Variants in PDE4D observed in about 807,000 individuals in gnomAD.
The protein encoded by PDE4D is phosphodiesterase 4D, also known as 3',5'-cyclic-AMP phosphodiesterase 4D.
A neutral mutation model predicts 87.4 loss-of-function variants in PDE4D; 24 were observed. The observed-to-expected ratio is 0.27, with a 90% confidence interval of 0.20 to 0.39. The LOEUF is 0.39. PDE4D is among the 10% of genes least tolerant of loss of function. The probability of loss-of-function intolerance (pLI) is 1.00; values close to 1 mark genes in which losing one functional copy is unlikely to be tolerated. For synonymous variants in PDE4D, 384 were observed against 383.2 expected, an observed-to-expected ratio of 1.00 and a Z score of -0.02; for missense variants, 714 against 1,041.0, an observed-to-expected ratio of 0.69 and a Z score of 4.32.
intron 2 of PDE4D, among the ~76,000 whole-genome samples, chr5:60,008,328 C>T (rs1225082227): frequency 6.6e-6 from 1 of 151,946 alleles, no homozygotes; most frequent in Non-Finnish European, 1.5e-5. Flanking sequence ...AACACAGGAT[C>T]ACACACCCTC....
At chr5:60,498,395 C>A (rs1749917314) in intron 1 of PDE4D, among the ~76,000 whole-genome samples, 1 of 152,192 alleles carries the variant, frequency 6.6e-6, no homozygotes, top group South Asian at 2.1e-4. Context: ...AATCCGAGCA[C>A]AAGTTGAGTC....
chr5:60,236,038 CACAG>C (rs1746388731), intron 1 of PDE4D, among the ~76,000 whole-genome samples: 1 of 151,794 alleles, frequency 6.6e-6, no homozygotes, highest in Non-Finnish European at 1.5e-5. Flanking sequence ...TACAGACATT[CACAG>C]ACAAATTAAA....
intron 5 of PDE4D, among the ~76,000 whole-genome samples, chr5:59,123,515 T>G (rs571125992): frequency 4.0e-4 from 61 of 152,326 alleles, no homozygotes; most frequent in Non-Finnish European, 6.9e-4. Flanking sequence ...TACATTGTTA[T>G]CTTGCCATCA....
At chr5:59,953,258 G>T (rs780351653) in intron 3 of PDE4D, among the ~76,000 whole-genome samples, 17 of 151,980 alleles carry the variant, frequency 1.1e-4, no homozygotes, top group Non-Finnish European at 1.9e-4. Context: ...ATGGGAATTG[G>T]GTTCTAGTTA....
At chr5:59,391,107 G>C (rs1451333720) in intron 1 of PDE4D, among the ~76,000 whole-genome samples, 2 of 152,108 alleles carry the variant, frequency 1.3e-5, no homozygotes, top group Non-Finnish European at 2.9e-5. Context: ...TTAAGGAGGT[G>C]AGCCTTAAGT....
intron 1 of PDE4D, among the ~76,000 whole-genome samples, chr5:60,294,319 T>C (rs999064628): frequency 2.0e-5 from 3 of 152,222 alleles, no homozygotes; most frequent in Admixed American, 1.3e-4. Flanking sequence ...GTGCTTTATG[T>C]GATATTGATT....
intron 5 of PDE4D, among the ~76,000 whole-genome samples, chr5:59,060,665 TAAG>T (rs1394095626): frequency 2.0e-5 from 3 of 152,130 alleles, no homozygotes; most frequent in African/African-American, 4.8e-5. Flanking sequence ...AGCTTAGTCT[TAAG>T]AAGAAGTATG....
At chr5:59,352,492 G>T (rs898616175) in intron 1 of PDE4D, among the ~76,000 whole-genome samples, 2 of 152,136 alleles carry the variant, frequency 1.3e-5, no homozygotes, top group African/African-American at 4.8e-5. Flanking sequence ...GTTTGAGACA[G>T]CTTTTTCTAA....
intron 2 of PDE4D, 34 bp downstream of exon 2, chr5:59,215,743 G>C (rs369905919): frequency 4.4e-6 from 7 of 1,580,958 alleles, no homozygotes; most frequent in African/African-American, 1.3e-5. Flanking sequence ...AAATTTACTC[G>C]GTTTTCTCTC....
At chr5:59,868,841 T>G (rs1747415440) in intron 1 of PDE4D, among the ~76,000 whole-genome samples, 1 of 152,188 alleles carries the variant, frequency 6.6e-6, no homozygotes, top group African/African-American at 2.4e-5. Flanking sequence ...AAATTCTAGC[T>G]CTAACAGATT....
At chr5:60,147,347 C>T (rs933164199) in intron 2 of PDE4D, among the ~76,000 whole-genome samples, 1 of 151,980 alleles carries the variant, frequency 6.6e-6, no homozygotes, top group African/African-American at 2.4e-5. Flanking sequence ...GTGTAGATCA[C>T]AATGGTGACC....
At chr5:59,411,044 G>C (rs1792587498) in intron 1 of PDE4D, among the ~76,000 whole-genome samples, 1 of 152,078 alleles carries the variant, frequency 6.6e-6, no homozygotes, top group South Asian at 2.1e-4. Context: ...ATTCTAATGA[G>C]GATAAAGTGG....
At chr5:59,574,284 G>A (rs554816319) in intron 1 of PDE4D, among the ~76,000 whole-genome samples, 1 of 148,892 alleles carries the variant, frequency 6.7e-6, no homozygotes, top group Admixed American at 6.7e-5. Flanking sequence ...TATGTGAGTA[G>A]GAACATCATA....
chr5:60,073,745 C>T (rs1772985894), intron 2 of PDE4D, among the ~76,000 whole-genome samples: 1 of 151,920 alleles, frequency 6.6e-6, no homozygotes, highest in African/African-American at 2.4e-5. Flanking sequence ...CTTCCTGGTT[C>T]AGTCTGAGAG....
intron 1 of PDE4D, among the ~76,000 whole-genome samples, chr5:59,888,657 G>A (rs954117135): frequency 6.6e-6 from 1 of 151,736 alleles, no homozygotes; most frequent in Admixed American, 6.6e-5. Context: ...TAAAGATACT[G>A]TTTCCTAAAT....
intron 1 of PDE4D, among the ~76,000 whole-genome samples, chr5:60,456,746 C>G (rs1746494708): frequency 6.6e-6 from 1 of 152,154 alleles, no homozygotes; most frequent in South Asian, 2.1e-4. Flanking sequence ...TGACCCAAGG[C>G]CAGAAGCCAA....
chr5:59,670,708 A>C (rs929770785), intron 1 of PDE4D, among the ~76,000 whole-genome samples: 1 of 152,210 alleles, frequency 6.6e-6, no homozygotes, highest in African/African-American at 2.4e-5. Flanking sequence ...CTAATTCTTA[A>C]ATTTTTTGAG....
chr5:59,340,569 ATAAAT>A (rs898155951), intron 1 of PDE4D, among the ~76,000 whole-genome samples: 41 of 152,302 alleles, frequency 2.7e-4, no homozygotes, highest in African/African-American at 9.9e-4. Flanking sequence ...AAAATGTACA[ATAAAT>A]TATTGTGACT....
intron 2 of PDE4D, among the ~76,000 whole-genome samples, chr5:60,180,885 A>G (rs1319099743): frequency 6.6e-6 from 1 of 152,170 alleles, no homozygotes; most frequent in Non-Finnish European, 1.5e-5. Flanking sequence ...CCAGTGAAAA[A>G]AATCAGTTTA....
Sources: allele counts gnomAD v4.1 joint callset (sites outside exome capture counted in the v4.1 genomes callset), GRCh38; gene constraint gnomAD v4.1.1; transcripts MANE v1.5; gene names NCBI Gene and HGNC (gene_info 2026-07-23, HGNC 2026-07-21).